TRAPPC8: variants seen among roughly 807,000 people sequenced by gnomAD.
TRAPPC8 encodes trafficking protein particle complex subunit 8, also known as general sporulation gene 1 homolog.
Under a neutral mutation model 174.3 loss-of-function variants are expected in TRAPPC8, and 54 were observed. The observed-to-expected ratio is 0.31, with a 90% confidence interval of 0.25 to 0.39. The LOEUF (loss-of-function observed/expected upper bound fraction) is 0.39. Ranked by LOEUF, TRAPPC8 falls within the 10% of genes least tolerant of loss-of-function variation. The pLI, the probability that TRAPPC8 is intolerant of heterozygous loss-of-function variation, is 1.00. For missense variants in TRAPPC8, 1,531 were observed against 1,699.1 expected, an observed-to-expected ratio of 0.90 and a Z score of 1.74; for synonymous variants, 630 against 579.9, an observed-to-expected ratio of 1.09 and a Z score of -1.24.
chr18:31,862,759 C>T lies in TRAPPC8; in HGVS notation c.2745+1868G>A, dbSNP rs139888580. Among the ~76,000 whole-genome samples the T allele has an allele frequency of 2.6e-3, 400 of 152,176 alleles. 2 individuals carry two copies. The highest frequency in any genetic ancestry group is 8.8e-3 in the African/African-American group (364 of 41,510). ...TGTATAGGATTACTACCATAAAAAT[C>T]ATCCAGTAAGAAGAAAGGAAATAAC... On this transcript the variant is annotated intron_variant, in intron 19 of 28. Coordinates refer to ENST00000283351, the MANE Select transcript of TRAPPC8 (RefSeq NM_014939.5).
At chr18:31,880,094 T>A (rs67807919) in intron 12 of TRAPPC8, among the ~76,000 whole-genome samples, 44,879 of 93,530 alleles carry the variant, frequency 0.48, 9,835 homozygotes, top group Middle Eastern at 0.63. Flanking sequence ...AAAAAAAATA[T>A]ATATATATAT....
At chr18:31,897,648 T>C (rs2036237171) in intron 11 of TRAPPC8, 138 bp downstream of exon 11, 2 of 510,190 alleles carry the variant, frequency 3.9e-6, no homozygotes, top group Non-Finnish European at 6.4e-6. Context: ...AAAACTAAAA[T>C]AGCCATGTTG....
In TRAPPC8 at chr18:31,830,682, A is replaced by T; in HGVS notation, c.*73T>A. ...AATCAACCTCCATAACAAGTTAGGT[A>T]TATCAAATACTGCTGTAAAACCCAT... On this transcript the variant is annotated 3_prime_UTR_variant, in exon 29 of 29. Coordinates refer to ENST00000283351, the MANE Select transcript of TRAPPC8 (RefSeq NM_014939.5). 1 of 1,246,918 alleles carries T rather than the reference A, an allele frequency of 8.0e-7. No homozygotes were observed. Among genetic ancestry groups the T allele is most frequent in the Non-Finnish European group, 1.1e-6 (1 of 890,506 alleles). 77.2% of individuals were successfully genotyped at this position (1,246,918 alleles called of 1,614,324 possible).
chr18:31,831,901 A>C (rs187631458), intron 28 of TRAPPC8, among the ~76,000 whole-genome samples, 183 bp downstream of exon 28: 3 of 152,096 alleles, frequency 2.0e-5, no homozygotes, highest in African/African-American at 7.2e-5. Flanking sequence ...TTTTATAATC[A>C]AGAAAAAAAA....
intron 2 of TRAPPC8, among the ~76,000 whole-genome samples, chr18:31,925,180 A>G (rs2037559240): frequency 6.6e-6 from 1 of 152,124 alleles, no homozygotes; most frequent in Non-Finnish European, 1.5e-5. Context: ...TGGTCTAACC[A>G]AAGATTTGAG....
At chr18:31,913,331 C>A (rs1362328735) in intron 5 of TRAPPC8, 38 bp downstream of exon 5, 1 of 1,528,388 alleles carries the variant, frequency 6.5e-7, no homozygotes, top group Non-Finnish European at 8.7e-7. Context: ...ACTGAAGTAT[C>A]GTTTTTGTGG....
intron 12 of TRAPPC8, among the ~76,000 whole-genome samples, chr18:31,887,559 T>C (rs1187949455): frequency 3.3e-5 from 5 of 151,574 alleles, no homozygotes; most frequent in Admixed American, 1.3e-4. Flanking sequence ...GGCAGGACAA[T>C]TGCTTGAACC....
At chr18:31,900,412 ATCACAATTCCTGATACGTCT>A (rs1281994061) in intron 10 of TRAPPC8, among the ~76,000 whole-genome samples, 1 of 152,164 alleles carries the variant, frequency 6.6e-6, no homozygotes, top group Non-Finnish European at 1.5e-5. Flanking sequence ...ATGCCTGCCA[ATCACAATTCCTGATACGTCT>A]TCATGGTTAT....
At chr18:31,917,119 C>G (rs1045093340) in intron 3 of TRAPPC8, among the ~76,000 whole-genome samples, 1 of 140,058 alleles carries the variant, frequency 7.1e-6, no homozygotes, top group Non-Finnish European at 1.7e-5. Flanking sequence ...TCTTAACTTT[C>G]GTCAGTAACC....
chr18:31,857,647 T>G lies in TRAPPC8; in HGVS notation c.3081A>C (p.Gly1027=). The G allele has an allele frequency of 6.2e-7, 1 of 1,614,116 alleles. No individual in the cohort carries two copies. ...ACCACATTGGCAGCTGCACTGAGGCTCCGGGTAGAAGAACAGTGTCAGGAA... is the reference window on the plus strand; with the variant it reads ...ACCACATTGGCAGCTGCACTGAGGCGCCGGGTAGAAGAACAGTGTCAGGAA... ...VPLPDTVLLP[G]ASVQLPMWLR... The change falls in exon 20 of 29, where the codon GGA becomes GGC. Residue 1027 remains glycine (G), a synonymous_variant. Coordinates refer to ENST00000283351, the MANE Select transcript of TRAPPC8 (RefSeq NM_014939.5).
chr18:31,913,585 G>T, intron 4 of TRAPPC8, 63 bp from the exon 5 acceptor site: 2 of 1,238,746 alleles, frequency 1.6e-6, no homozygotes, highest in Non-Finnish European at 2.1e-6. Flanking sequence ...CAATAATAGA[G>T]ACTAAAGTAG....
At chr18:31,920,727 G>A (rs545451680) in intron 2 of TRAPPC8, among the ~76,000 whole-genome samples, 8 of 152,088 alleles carry the variant, frequency 5.3e-5, no homozygotes, top group East Asian at 3.9e-4. Flanking sequence ...ATCACCTGAC[G>A]TCAGGAGTTC....
intron 8 of TRAPPC8, 52 bp from the exon 9 acceptor site, chr18:31,907,662 A>C (rs771591830): frequency 7.1e-7 from 1 of 1,403,910 alleles, no homozygotes; most frequent in Admixed American, 2.4e-5. Context: ...CAAACCATTA[A>C]AATTATAAAA....
intron 2 of TRAPPC8, among the ~76,000 whole-genome samples, chr18:31,918,451 G>C (rs993793907): frequency 1.3e-5 from 2 of 152,092 alleles, no homozygotes; most frequent in Non-Finnish European, 2.9e-5. Flanking sequence ...TGACCCCCAG[G>C]AAACATCTGG....
chr18:31,916,891 A>T (rs1434395926), intron 3 of TRAPPC8, among the ~76,000 whole-genome samples: 2 of 151,770 alleles, frequency 1.3e-5, no homozygotes, highest in African/African-American at 4.8e-5. Flanking sequence ...TTTAATTGCA[A>T]GCACAAAATA....
rs114732124 is a variant in TRAPPC8, at chr18:31,838,481, G to A, written c.3983+831C>T. Reference sequence around the variant, plus strand: ...TCATTTTCTTCAAGACCACAAACATGCCTATATCGTACCTAGTAAGAACAG... The same window carrying A: ...TCATTTTCTTCAAGACCACAAACATACCTATATCGTACCTAGTAAGAACAG... On this transcript the variant is annotated intron_variant, in intron 27 of 28. Coordinates refer to ENST00000283351, the MANE Select transcript of TRAPPC8 (RefSeq NM_014939.5). Among the ~76,000 whole-genome samples the A allele has an allele frequency of 8.9e-3, 1,354 of 152,176 alleles. 20 individuals are homozygous for A. Among genetic ancestry groups the A allele is most frequent in the African/African-American group, 0.03 (1,246 of 41,520 alleles).
At chr18:31,867,364 C>A in intron 17 of TRAPPC8, 38 bp downstream of exon 17, 3 of 1,395,260 alleles carry the variant, frequency 2.2e-6, no homozygotes, top group Non-Finnish European at 3.0e-6. Context: ...ACCTTACTTT[C>A]AGAAAGGCAT....
chr18:31,837,264 T>G (rs2032802303), intron 27 of TRAPPC8, among the ~76,000 whole-genome samples: 1 of 152,056 alleles, frequency 6.6e-6, no homozygotes, highest in African/African-American at 2.4e-5. Flanking sequence ...CAGAAGGAAT[T>G]CGCATATGCT....
At chr18:31,882,873 C>T (rs2035524110) in intron 12 of TRAPPC8, among the ~76,000 whole-genome samples, 1 of 150,014 alleles carries the variant, frequency 6.7e-6, no homozygotes, top group Admixed American at 6.7e-5. Flanking sequence ...CCTCAGCCAC[C>T]CAAAGTACTG....
Sources: gnomAD v4.1 joint callset for allele counts (sites outside exome capture counted in the v4.1 genomes callset) on GRCh38, gnomAD v4.1.1 for gene constraint, MANE v1.5 for transcripts, NCBI Gene and HGNC (gene_info 2026-07-23, HGNC 2026-07-21) for gene names.